HSPH1: variants seen among roughly 807,000 people sequenced by gnomAD.
The protein encoded by HSPH1 is heat shock protein 105 kDa.
HSPH1 carries 40 observed loss-of-function variants against 100.0 expected under a neutral mutation model. The observed-to-expected ratio is 0.40, with a 90% CI of 0.31 to 0.52. HSPH1 has a LOEUF of 0.52. HSPH1 is among the 20% of genes least tolerant of loss of function. The pLI is 0.54. For missense variants in HSPH1, 876 were observed against 1,015.1 expected (o/e 0.86, Z 1.86); for synonymous variants, 403 against 344.0 (o/e 1.17, Z -1.90).
chr13:31,158,201 C>T (rs1056414633), intron 2 of HSPH1, among the ~76,000 whole-genome samples: 3 of 152,104 alleles, frequency 2.0e-5, no homozygotes, highest in Non-Finnish European at 2.9e-5. Flanking sequence ...ACTTAAAATG[C>T]CTTGTTTATA....
In HSPH1 at chr13:31,145,716, T is replaced by C. The variant is rs1271828858; in HGVS notation, c.1431A>G (p.Arg477=). The C allele has an allele frequency of 6.2e-7, 1 of 1,613,636 alleles. No homozygotes were observed. Among genetic ancestry groups the C allele is most frequent in the South Asian group, 1.1e-5 (1 of 91,072 alleles). ...VSAQKDGEKS[R]VKVKVRVNTH... is the part of the protein sequence containing the mutation. ...TGTTGACTCGCACTTTGACTTTTACTCTAGATTTTTCTCCATCTTTCTGTG... is the reference window on the plus strand; with the variant it reads ...TGTTGACTCGCACTTTGACTTTTACCCTAGATTTTTCTCCATCTTTCTGTG... The change falls in exon 11 of 18, where the codon AGA becomes AGG. Residue 477 remains arginine (R), a synonymous_variant. Coordinates refer to ENST00000320027, the MANE Select transcript of HSPH1 (RefSeq NM_006644.4).
chr13:31,147,739 A>G (rs1311161741), intron 10 of HSPH1, among the ~76,000 whole-genome samples: 1 of 152,102 alleles, frequency 6.6e-6, no homozygotes, highest in Non-Finnish European at 1.5e-5. Context: ...CAGAACTCCA[A>G]GTAACAGAAC....
rs1956475475 is a variant in HSPH1 at position 31,151,202 on chromosome 13, T to A, written c.664-11A>T. ...AGCTGTTCCCAGTACCTAATTTGGT[T>A]GAAACAACAAATAGTCTGGTTATTT... On this transcript the variant is annotated splice_polypyrimidine_tract_variant and intron_variant, in intron 6 of 17. Coordinates refer to ENST00000320027, the MANE Select transcript of HSPH1 (RefSeq NM_006644.4). 6.3e-7 allele frequency: 1 copy of A among 1,587,704 alleles called. No individual in the cohort carries two copies.
intron 8 of HSPH1, among the ~76,000 whole-genome samples, chr13:31,149,082 G>T (rs958478660): frequency 6.6e-6 from 1 of 151,926 alleles, no homozygotes. Context: ...CAAAAGAGAG[G>T]CCAAAATTAG....
At chr13:31,143,573 A>C (rs1380856119) in intron 12 of HSPH1, among the ~76,000 whole-genome samples, 1 of 152,142 alleles carries the variant, frequency 6.6e-6, no homozygotes, top group Non-Finnish European at 1.5e-5. Flanking sequence ...TAATCAAGAG[A>C]AGCTTTTAAA....
At position 31,143,861 on chromosome 13, in the gene HSPH1, T is replaced by C. The variant is rs752487587; in HGVS notation, c.1647A>G (p.Gln549=). The stretch of plus-strand genomic sequence containing the variant: ...GTGAAGGGGGAGACTGTGAGGTTTG[T>C]TGAGCATCAGTTTGTACCTGGGGCT... ...GTQPQVQTDA[Q]QTSQSPPSPE... The change falls in exon 12 of 18, where the codon CAA becomes CAG. Residue 549 remains glutamine, a synonymous_variant. Transcript: ENST00000320027. 22 of 1,611,928 alleles carry C rather than the reference T, an allele frequency of 1.4e-5. No individual in the cohort carries two copies. Among genetic ancestry groups the C allele is most frequent in the Admixed American group, 1.7e-5 (1 of 59,772 alleles).
intron 2 of HSPH1, among the ~76,000 whole-genome samples, chr13:31,157,651 T>C (rs1372941140): frequency 6.6e-6 from 1 of 152,220 alleles, no homozygotes; most frequent in Non-Finnish European, 1.5e-5. Flanking sequence ...TTTTCTGTAT[T>C]TAGAAAAATG....
At chr13:31,161,105 C>A (rs1054463560) in intron 1 of HSPH1, among the ~76,000 whole-genome samples, 7 of 152,196 alleles carry the variant, frequency 4.6e-5, no homozygotes, top group Non-Finnish European at 1.0e-4. Flanking sequence ...ACGGGGGCGG[C>A]CGCGGAAGGC....
Position 31,137,249 on chromosome 13 carries a change from G to T in HSPH1, c.*69C>A. 1 of 889,390 alleles carries T rather than the reference G, an allele frequency of 1.1e-6. No homozygotes were observed. The highest frequency in any genetic ancestry group is 1.8e-6 in the Non-Finnish European group (1 of 548,708). The allele number at this position is 889,390 out of a possible 1,614,324, so 55.1% of individuals were successfully genotyped here. ...AAGAAAATATAAATAGTTTCAGTATGTTATGTAGAGTCACATACTATGGCA... is the reference window on the plus strand; with the variant it reads ...AAGAAAATATAAATAGTTTCAGTATTTTATGTAGAGTCACATACTATGGCA... On this transcript the variant is annotated 3_prime_UTR_variant, in exon 18 of 18. Coordinates refer to ENST00000320027, the MANE Select transcript of HSPH1 (RefSeq NM_006644.4).
rs928646544 is a variant in HSPH1, at chr13:31,139,075, T to C, written c.2013A>G (p.Glu671=). 1 of 1,612,674 alleles carries C rather than the reference T, an allele frequency of 6.2e-7. No homozygotes were observed. Among genetic ancestry groups the C allele is most frequent in the Non-Finnish European group, 8.5e-7 (1 of 1,178,954 alleles). ...DHQNFLRLLT[E]TEDWLYEEGE... is the part of the protein sequence containing the mutation. ...CTTCTTCATACAGCCAGTCTTCAGT[T>C]TCTGTGAGGAGTCTCAAAAAATTTT... Residue 671 remains glutamate, a synonymous_variant, in exon 15 of 18, where the codon GAA becomes GAG. Coordinates refer to ENST00000320027, the MANE Select transcript of HSPH1 (RefSeq NM_006644.4).
chr13:31,149,439 A>G (rs764048399), intron 8 of HSPH1, among the ~76,000 whole-genome samples: 2 of 152,134 alleles, frequency 1.3e-5, no homozygotes, highest in African/African-American at 2.4e-5. Flanking sequence ...TTTTAACCGA[A>G]TAACTTCTAG....
At chr13:31,153,530 G>T (rs1226750688) in intron 4 of HSPH1, among the ~76,000 whole-genome samples, 1 of 152,148 alleles carries the variant, frequency 6.6e-6, no homozygotes, top group African/African-American at 2.4e-5. Flanking sequence ...CAACCCAAGG[G>T]CTGAGGTTTC....
In HSPH1 at chr13:31,155,663, A is replaced by G; in HGVS notation, c.166-9T>C. 4 of 1,571,162 alleles carry G rather than the reference A, an allele frequency of 2.5e-6. No individual in the cohort carries two copies. The highest frequency in any genetic ancestry group is 3.4e-6 in the Non-Finnish European group (4 of 1,161,758). ...TTTGCATGAGTGATTTGCTGCAAAA[A>G]GAAGTTTGAGATTTTAATTTTTTTC... On this transcript the variant is annotated splice_polypyrimidine_tract_variant and intron_variant, in intron 2 of 17. Coordinates refer to ENST00000320027, the MANE Select transcript of HSPH1 (RefSeq NM_006644.4).
chr13:31,137,098 AT>A lies in HSPH1; in HGVS notation c.*219del. On this transcript the variant is annotated 3_prime_UTR_variant, in exon 18 of 18. Transcript: ENST00000320027. ...AGACTGCACAGAAAGCTTAGTATGA[AT>A]TCACAATTCCACAGGAATCTGAAAG... The A allele has an allele frequency of 2.8e-6, 2 of 708,428 alleles. No individual in the cohort carries two copies. The highest frequency in any genetic ancestry group is 5.3e-6 in the Non-Finnish European group (2 of 377,018). The allele number at this position is 708,428 out of a possible 1,614,324, so 43.9% of individuals were successfully genotyped here. A position where few individuals can be genotyped will look rare whatever the true frequency, so the allele number is the denominator to read the frequency against.
In HSPH1 at chr13:31,137,223, A is replaced by G. The variant is rs1955911534; in HGVS notation, c.*95T>C. The G allele has an allele frequency of 3.6e-6, 3 of 823,102 alleles. No individual in the cohort carries two copies. In the South Asian group the frequency reaches 4.9e-5, roughly 13 times the overall value. 51.0% of individuals were successfully genotyped at this position (823,102 alleles called of 1,614,324 possible). A position where few individuals can be genotyped will look rare whatever the true frequency, so the allele number is the denominator to read the frequency against. Reference sequence around the variant, plus strand: ...CACAAAATTTCTAAATATCCTTAAAAAAGAAAATATAAATAGTTTCAGTAT... The same window carrying G: ...CACAAAATTTCTAAATATCCTTAAAGAAGAAAATATAAATAGTTTCAGTAT... On this transcript the variant is annotated 3_prime_UTR_variant, in exon 18 of 18. Coordinates refer to ENST00000320027, the MANE Select transcript of HSPH1 (RefSeq NM_006644.4).
Position 31,154,759 on chromosome 13 carries a change from T to C in HSPH1, c.307-4A>G, listed in dbSNP as rs1434369287. 1 of 1,610,080 alleles carries C rather than the reference T, an allele frequency of 6.2e-7. No homozygotes were observed. Among genetic ancestry groups the C allele is most frequent in the Non-Finnish European group, 8.5e-7 (1 of 1,177,606 alleles). On this transcript the variant is annotated splice_polypyrimidine_tract_variant and splice_region_variant and intron_variant, in intron 3 of 17. Transcript: ENST00000320027. Reference sequence around the variant, plus strand: ...GTTCTTCACCCATGTACATTACCTATATTGAAGGGAAAAAATGTTTTAAAC... The same window carrying C: ...GTTCTTCACCCATGTACATTACCTACATTGAAGGGAAAAAATGTTTTAAAC...
chr13:31,143,772 G>T lies in HSPH1; in HGVS notation c.1716+20C>A. The stretch of plus-strand genomic sequence containing the variant: ...ACTTTGCAACATTGTCTAATGGAAT[G>T]AACTAGAAGAGTCACTCACTTTGTC... On this transcript the variant is annotated intron_variant, in intron 12 of 17. Transcript: ENST00000320027. 1 of 1,597,430 alleles carries T rather than the reference G, an allele frequency of 6.3e-7. No individual in the cohort carries two copies. Among genetic ancestry groups the T allele is most frequent in the South Asian group, 1.1e-5 (1 of 88,444 alleles).
chr13:31,137,018 G>GTT lies in HSPH1; in HGVS notation c.*298_*299dup. 6.1e-6 allele frequency: 3 copies of GTT among 495,082 alleles called. No homozygotes were observed. The highest frequency in any genetic ancestry group is 3.5e-5 in the South Asian group (2 of 57,066). 30.7% of individuals were successfully genotyped at this position (495,082 alleles called of 1,614,324 possible). ...ACAGCCCTCTTGAACAAGCAGTACAGTTTTTTTTCTCCAAAAGACAAAAGT... is the reference window on the plus strand; with the variant it reads ...ACAGCCCTCTTGAACAAGCAGTACAGTTTTTTTTTTCTCCAAAAGACAAAAGT... On this transcript the variant is annotated 3_prime_UTR_variant, in exon 18 of 18. Transcript: ENST00000320027.
intron 8 of HSPH1, 24 bp downstream of exon 8, chr13:31,149,930 G>A: frequency 1.3e-6 from 2 of 1,581,892 alleles, no homozygotes; most frequent in South Asian, 1.1e-5. Flanking sequence ...TGTACACCAA[G>A]CAAAAGCAGA....
Sources: allele counts gnomAD v4.1 joint callset (sites outside exome capture counted in the v4.1 genomes callset), GRCh38; gene constraint gnomAD v4.1.1; transcripts MANE v1.5; gene names NCBI Gene and HGNC (gene_info 2026-07-23, HGNC 2026-07-21).